DGKI: variants seen among roughly 807,000 people sequenced by gnomAD.
DGKI encodes the protein DAG kinase iota.
DGKI carries 55 observed loss-of-function variants against 147.5 expected under a neutral mutation model. The observed-to-expected ratio is 0.37, with a 90% confidence interval of 0.30 to 0.47. The LOEUF (loss-of-function observed/expected upper bound fraction) is 0.47. DGKI is among the 20% of genes least tolerant of loss of function. DGKI has a pLI of 1.00. For missense variants in DGKI, 1,007 were observed against 1,323.8 expected, an observed-to-expected ratio of 0.76 and a Z score of 3.71; for synonymous variants, 469 against 477.1, an observed-to-expected ratio of 0.98 and a Z score of 0.22.
At chr7:137,757,656 T>C (rs541664412) in intron 1 of DGKI, among the ~76,000 whole-genome samples, 109 of 152,122 alleles carry the variant, frequency 7.2e-4, no homozygotes, top group Non-Finnish European at 1.3e-3. Flanking sequence ...CTCTACTTCC[T>C]ATTAGAAAAA....
At chr7:137,623,390 T>C in intron 7 of DGKI, 93 bp downstream of exon 7, 1 of 1,174,428 alleles carries the variant, frequency 8.5e-7, no homozygotes, top group Non-Finnish European at 1.3e-6. Flanking sequence ...AAATTAGGAA[T>C]GCCTTCTACT....
chr7:137,388,221 C>T lies in DGKI; in HGVS notation c.*2999G>A, dbSNP rs957691407. On this transcript the variant is annotated 3_prime_UTR_variant, in exon 33 of 33. Coordinates refer to ENST00000614521, the MANE Select transcript of DGKI (RefSeq NM_001321708.2). The stretch of plus-strand genomic sequence containing the variant: ...TTATTCTTTATGAAGTCCTTGAATA[C>T]GATAAAGCACAGTTTAACTGTGTTC... 20 of 152,252 alleles carry T rather than the reference C, an allele frequency of 1.3e-4. No homozygotes were observed. The highest frequency in any genetic ancestry group is 7.7e-4 in the East Asian group (4 of 5,184). The allele number at this position is 152,252 out of a possible 1,614,324, so 9.4% of individuals were successfully genotyped here. A position where few individuals can be genotyped will look rare whatever the true frequency, so the allele number is the denominator to read the frequency against.
At chr7:137,614,983 G>C (rs1200866240) in intron 8 of DGKI, among the ~76,000 whole-genome samples, 1 of 151,972 alleles carries the variant, frequency 6.6e-6, no homozygotes, top group African/African-American at 2.4e-5. Flanking sequence ...CATCCTTTAA[G>C]GCCTACCACA....
intron 1 of DGKI, among the ~76,000 whole-genome samples, chr7:137,809,486 G>A (rs746668762): frequency 1.3e-5 from 2 of 152,070 alleles, no homozygotes; most frequent in Non-Finnish European, 2.9e-5. Context: ...CTGCAGTCTC[G>A]GGCTGTCCTA....
At chr7:137,704,627 TC>T (rs1489101773) in intron 1 of DGKI, among the ~76,000 whole-genome samples, 2 of 152,082 alleles carry the variant, frequency 1.3e-5, no homozygotes, top group African/African-American at 4.8e-5. Flanking sequence ...AAATTCCCAA[TC>T]TTGAGGGGGA....
intron 6 of DGKI, among the ~76,000 whole-genome samples, chr7:137,632,371 T>C (rs931959465): frequency 6.6e-6 from 1 of 152,188 alleles, no homozygotes; most frequent in Admixed American, 6.5e-5. Context: ...AATCTTACAA[T>C]AACACAGCAA....
intron 6 of DGKI, among the ~76,000 whole-genome samples, chr7:137,634,780 T>C (rs1049025575): frequency 1.3e-5 from 2 of 152,190 alleles, no homozygotes; most frequent in African/African-American, 4.8e-5. Context: ...CAACTTGGTA[T>C]ATACGTCCAG....
chr7:137,785,570 A>G (rs947488494), intron 1 of DGKI, among the ~76,000 whole-genome samples: 2 of 152,024 alleles, frequency 1.3e-5, no homozygotes, highest in Non-Finnish European at 2.9e-5. Flanking sequence ...TACCAATCCT[A>G]TTGACACTAT....
At chr7:137,504,993 G>A (rs887298106) in intron 21 of DGKI, among the ~76,000 whole-genome samples, 1 of 151,776 alleles carries the variant, frequency 6.6e-6, no homozygotes, top group Non-Finnish European at 1.5e-5. Context: ...TAAAAGACTG[G>A]TATCCCATCA....
At chr7:137,617,936 CTTT>C (rs1342857559) in intron 8 of DGKI, among the ~76,000 whole-genome samples, 1 of 150,572 alleles carries the variant, frequency 6.6e-6, no homozygotes, top group Non-Finnish European at 1.5e-5. Flanking sequence ...TCATTATAAC[CTTT>C]TTCTTCATTT....
chr7:137,522,031 A>T, intron 20 of DGKI, 65 bp from the exon 21 acceptor site: 2 of 1,139,968 alleles, frequency 1.8e-6, no homozygotes, highest in Non-Finnish European at 2.6e-6. Context: ...CATGCACCTG[A>T]AGGAATAAGG....
chr7:137,471,490 G>C (rs1191861253), intron 23 of DGKI, among the ~76,000 whole-genome samples: 6 of 152,150 alleles, frequency 3.9e-5, no homozygotes, highest in Non-Finnish European at 1.5e-5. Context: ...TAAAGCCTGG[G>C]ATTAAATCAC....
Position 137,846,765 on chromosome 7 carries a change from G to C in DGKI, c.98C>G (p.Pro33Arg), listed in dbSNP as rs1798752417. Residue 33 changes from proline to arginine, a missense_variant, in exon 1 of 33, where the codon CCG becomes CGG. Pro to Arg is a moderately radical substitution (Grantham distance 103). Coordinates refer to ENST00000614521, the MANE Select transcript of DGKI (RefSeq NM_001321708.2). This position sits in a 1 kb window ranked among gnomAD's most constrained non-coding sequence, Gnocchi z 4.0. The part of the protein sequence containing the change: ...PAAAAAAAAS[P>R]PGPCSGAACA... ...GGCGGCGCCGCTGCAGGGGCCGGGC[G>C]GGCTGGCGGCGGCGGCGGCGGCGGC... The C allele has an allele frequency of 1.1e-5, 11 of 1,042,562 alleles. No individual in the cohort carries two copies. The highest frequency in any genetic ancestry group is 1.3e-5 in the Non-Finnish European group (11 of 869,054). 64.6% of individuals were successfully genotyped at this position (1,042,562 alleles called of 1,614,324 possible).
At chr7:137,602,510 T>A (rs910981837) in intron 10 of DGKI, among the ~76,000 whole-genome samples, 1 of 152,174 alleles carries the variant, frequency 6.6e-6, no homozygotes, top group Non-Finnish European at 1.5e-5. Flanking sequence ...TAAAAAGTAA[T>A]CTTCTTTTCA....
chr7:137,814,538 C>T (rs967433372), intron 1 of DGKI, among the ~76,000 whole-genome samples: 1 of 152,160 alleles, frequency 6.6e-6, no homozygotes, highest in Admixed American at 6.5e-5. Context: ...CTCCCCATAG[C>T]ATTCTCAGAC....
chr7:137,787,846 C>A (rs1396302832), intron 1 of DGKI, among the ~76,000 whole-genome samples: 1 of 151,914 alleles, frequency 6.6e-6, no homozygotes, highest in African/African-American at 2.4e-5. Flanking sequence ...GCTATGAGGA[C>A]ACAAAAGCAT....
intron 1 of DGKI, among the ~76,000 whole-genome samples, chr7:137,698,160 A>C (rs960539396): frequency 6.6e-6 from 1 of 151,500 alleles, no homozygotes; most frequent in Non-Finnish European, 1.5e-5. Context: ...ATATATATAT[A>C]TATCTCCAGA....
Position 137,834,851 on chromosome 7 carries a change from T to C in DGKI, c.401+11611A>G, listed in dbSNP as rs6972675. ...AGGCTTCCACACACAGATCAATCCA[T>C]CTTCAAAATTAATAGTGATAGTGCA... On this transcript the variant is annotated intron_variant, in intron 1 of 32. Transcript: ENST00000614521. 8.0e-3 allele frequency among the ~76,000 whole-genome samples: 1,217 copies of C among 152,314 alleles called. 8 individuals carry two copies. Among genetic ancestry groups the C allele is most frequent in the African/African-American group, 0.027 (1,123 of 41,560 alleles).
Position 137,746,810 on chromosome 7 carries a change from T to A in DGKI, c.402-56808A>T, listed in dbSNP as rs546821328. Among the ~76,000 whole-genome samples, 41 of 152,142 alleles carry A rather than the reference T, an allele frequency of 2.7e-4. 1 individual carries two copies. In the South Asian group the frequency reaches 7.9e-3, roughly 29 times the overall value. ...GCTTTATCCTCAAGACTTTAATATG[T>A]TCTCATCAACTCAGCCTTATCGTGT... On this transcript the variant is annotated intron_variant, in intron 1 of 32. Transcript: ENST00000614521.
Sources: allele counts gnomAD v4.1 joint callset (sites outside exome capture counted in the v4.1 genomes callset), GRCh38; gene constraint gnomAD v4.1.1; non-coding constraint Gnocchi (gnomAD v3.1); transcripts MANE v1.5; gene names NCBI Gene and HGNC (gene_info 2026-07-23, HGNC 2026-07-21).